The following PRKG1 variants were observed in gnomAD, a reference collection of about 807,000 sequenced individuals.
The protein encoded by PRKG1 is protein kinase cGMP-dependent 1.
PRKG1 carries 35 observed loss-of-function variants against 88.1 expected under a neutral mutation model. The observed-to-expected ratio is 0.40, with a 90% confidence interval of 0.30 to 0.53. PRKG1 has a LOEUF of 0.53. PRKG1 is among the 20% of genes least tolerant of loss of function. PRKG1 has a pLI of 0.59. For synonymous variants in PRKG1, 303 were observed against 292.5 expected (o/e 1.04, Z -0.37); for missense variants, 540 against 839.8 (o/e 0.64, Z 4.41).
At chr10:51,954,920 C>T (rs1011926945) in intron 5 of PRKG1, among the ~76,000 whole-genome samples, 4 of 152,124 alleles carry the variant, frequency 2.6e-5, no homozygotes, top group African/African-American at 4.8e-5. Flanking sequence ...TAATTATCAA[C>T]ATTTTGCTAT....
chr10:51,867,579 G>C (rs1033210307), intron 4 of PRKG1, among the ~76,000 whole-genome samples: 1 of 152,070 alleles, frequency 6.6e-6, no homozygotes, highest in Non-Finnish European at 1.5e-5. Flanking sequence ...AGTTAAATGT[G>C]GGGGAAGCAA....
intron 8 of PRKG1, among the ~76,000 whole-genome samples, chr10:52,144,554 T>C (rs1375888434): frequency 6.6e-6 from 1 of 152,194 alleles, no homozygotes; most frequent in Non-Finnish European, 1.5e-5. Flanking sequence ...CTCATGCCTG[T>C]AATCCCAGCA....
intron 3 of PRKG1, among the ~76,000 whole-genome samples, chr10:51,602,197 T>C (rs1336306853): frequency 1.3e-5 from 2 of 152,130 alleles, no homozygotes; most frequent in Non-Finnish European, 2.9e-5. Flanking sequence ...TACTTGAGAT[T>C]TGAACAACCC....
chr10:51,657,463 G>A (rs1390952017), intron 3 of PRKG1, among the ~76,000 whole-genome samples: 1 of 152,092 alleles, frequency 6.6e-6, no homozygotes, highest in Non-Finnish European at 1.5e-5. Context: ...GGAAGATTAT[G>A]AAAATAAAAG....
chr10:51,341,535 A>G (rs1327030211), intron 2 of PRKG1, among the ~76,000 whole-genome samples: 1 of 152,168 alleles, frequency 6.6e-6, no homozygotes, highest in Non-Finnish European at 1.5e-5. Flanking sequence ...ATGGCTGGGA[A>G]CTTAAATGGC....
At chr10:51,082,173 C>A (rs1844128170) in intron 1 of PRKG1, among the ~76,000 whole-genome samples, 1 of 152,124 alleles carries the variant, frequency 6.6e-6, no homozygotes, top group South Asian at 2.1e-4. Context: ...GCAACTTGCC[C>A]ACAGTCACAC....
chr10:52,072,890 A>T (rs1247182959), intron 7 of PRKG1, among the ~76,000 whole-genome samples: 2 of 152,204 alleles, frequency 1.3e-5, no homozygotes, highest in Non-Finnish European at 2.9e-5. Context: ...TGATGATGAC[A>T]AAGTATTTGT....
intron 5 of PRKG1, among the ~76,000 whole-genome samples, chr10:51,929,311 TC>T (rs1369560386): frequency 6.6e-6 from 1 of 151,402 alleles, no homozygotes; most frequent in Non-Finnish European, 1.5e-5. Context: ...ATAATCTTCT[TC>T]CTAGCATTGC....
intron 7 of PRKG1, among the ~76,000 whole-genome samples, chr10:52,114,484 A>T (rs937241754): frequency 6.6e-6 from 1 of 151,974 alleles, no homozygotes; most frequent in African/African-American, 2.4e-5. Flanking sequence ...ATCCTTTAAA[A>T]ATATGAGAAT....
chr10:51,930,375 T>C (rs1210518032), intron 5 of PRKG1, among the ~76,000 whole-genome samples: 1 of 152,126 alleles, frequency 6.6e-6, no homozygotes, highest in African/African-American at 2.4e-5. Context: ...TTAAAAATGG[T>C]TAAGATAGTA....
At chr10:51,895,237 G>C (rs1402524173) in intron 4 of PRKG1, among the ~76,000 whole-genome samples, 1 of 152,182 alleles carries the variant, frequency 6.6e-6, no homozygotes, top group East Asian at 1.9e-4. Flanking sequence ...AGCAAGAGCA[G>C]GACAGAACTG....
chr10:51,453,844 A>C, intron 2 of PRKG1, among the ~76,000 whole-genome samples: 1 of 152,030 alleles, frequency 6.6e-6, no homozygotes, highest in East Asian at 1.9e-4. Flanking sequence ...ATACCTAGAA[A>C]ACTCTAAAGA....
chr10:52,032,588 A>C (rs1420045144), intron 5 of PRKG1, among the ~76,000 whole-genome samples: 1 of 152,226 alleles, frequency 6.6e-6, no homozygotes, highest in Non-Finnish European at 1.5e-5. Flanking sequence ...TAAAATATTT[A>C]GTCATATTGT....
chr10:51,235,450 A>G (rs768767437), intron 2 of PRKG1, among the ~76,000 whole-genome samples: 3 of 152,096 alleles, frequency 2.0e-5, no homozygotes, highest in Non-Finnish European at 2.9e-5. Context: ...AAATACTAAT[A>G]ATTGCCATTC....
chr10:51,932,794 A>G (rs539054476), intron 5 of PRKG1, among the ~76,000 whole-genome samples: 89 of 152,226 alleles, frequency 5.8e-4, no homozygotes, highest in African/African-American at 2.0e-3. Flanking sequence ...AGTTACATCT[A>G]TTGACTGCTG....
chr10:51,221,423 G>T (rs1463703220), intron 2 of PRKG1, among the ~76,000 whole-genome samples: 1 of 151,878 alleles, frequency 6.6e-6, no homozygotes, highest in Non-Finnish European at 1.5e-5. Context: ...TAATTAAAAT[G>T]ATAAGTTTCT....
intron 9 of PRKG1, 81 bp from the exon 10 acceptor site, chr10:52,251,489 A>G (rs1841167590): frequency 9.3e-7 from 1 of 1,074,050 alleles, no homozygotes; most frequent in Non-Finnish European, 1.4e-6. Context: ...TTCCACAGTC[A>G]TGTCATTCTG....
chr10:51,086,884 G>T (rs1844265777), intron 1 of PRKG1, among the ~76,000 whole-genome samples: 1 of 152,146 alleles, frequency 6.6e-6, no homozygotes, highest in Admixed American at 6.5e-5. Context: ...CCATCTTCTG[G>T]ATTCCTAAGG....
At chr10:51,665,241 GAAAC>G (rs953800088) in intron 3 of PRKG1, among the ~76,000 whole-genome samples, 29 of 152,134 alleles carry the variant, frequency 1.9e-4, no homozygotes, top group African/African-American at 6.7e-4. Flanking sequence ...ACATTATAAA[GAAAC>G]AAAAGTTGAT....
Sources: gnomAD v4.1 joint callset for allele counts (sites outside exome capture counted in the v4.1 genomes callset) on GRCh38, gnomAD v4.1.1 for gene constraint, MANE v1.5 for transcripts, NCBI Gene and HGNC (gene_info 2026-07-23, HGNC 2026-07-21) for gene names.